Variants in CLRN1 observed in about 807,000 individuals in gnomAD.
CLRN1 encodes clarin-1.
Under a neutral mutation model 18.7 loss-of-function variants are expected in CLRN1, and 15 were observed. That is an observed-to-expected ratio of 0.80 (90% CI 0.54 to 1.23). CLRN1 has a LOEUF of 1.23. Among genes scored for constraint, CLRN1 ranks in the 50% most tolerant of loss-of-function variants. CLRN1 has a pLI of 0.00. For synonymous variants in CLRN1, 104 were observed against 102.9 expected (o/e 1.01, Z -0.07); for missense variants, 311 against 277.5 (o/e 1.12, Z -0.86).
chr3:150,947,580 C>T (rs1488890749), intron 1 of CLRN1, among the ~76,000 whole-genome samples: 1 of 152,142 alleles, frequency 6.6e-6, no homozygotes, highest in Non-Finnish European at 1.5e-5. Flanking sequence ...GAACTCTGTA[C>T]CCAAAACCAA....
At chr3:150,960,616 T>G (rs1714976355) in intron 1 of CLRN1, among the ~76,000 whole-genome samples, 1 of 152,206 alleles carries the variant, frequency 6.6e-6, no homozygotes, top group Non-Finnish European at 1.5e-5. Context: ...GCTCTCATTC[T>G]TACTTCTATT....
At chr3:150,934,621 GCCTACTC>G (rs1713349091) in intron 2 of CLRN1, among the ~76,000 whole-genome samples, 1 of 152,048 alleles carries the variant, frequency 6.6e-6, no homozygotes, top group Non-Finnish European at 1.5e-5. Flanking sequence ...CTGCCAGCTG[GCCTACTC>G]CCTTTTACAT....
chr3:150,933,962 A>G (rs1287905310), intron 2 of CLRN1, among the ~76,000 whole-genome samples: 1 of 152,160 alleles, frequency 6.6e-6, no homozygotes, highest in African/African-American at 2.4e-5. Flanking sequence ...CTAGCAGAAT[A>G]CATTCATTAC....
chr3:150,972,737 G>A (rs771765902), upstream of CLRN1: 12 of 1,614,120 alleles, frequency 7.4e-6, no homozygotes, highest in Admixed American at 1.7e-5. Flanking sequence ...TGAGGGCGAG[G>A]TTCAAAAACA....
intron 1 of CLRN1, among the ~76,000 whole-genome samples, chr3:150,946,502 ATT>A (rs879260829): frequency 6.8e-6 from 1 of 146,624 alleles, no homozygotes; most frequent in Non-Finnish European, 1.5e-5. Flanking sequence ...TTTGTACTAA[ATT>A]TTTTTTTTTT....
chr3:150,926,387 G>A (rs1462005297), downstream of CLRN1: 25 of 268,420 alleles, frequency 9.3e-5, no homozygotes, highest in African/African-American at 1.6e-4. Flanking sequence ...CGCAGGAGAC[G>A]GTCCTTGTCC....
At chr3:150,928,779 C>T (rs1712970832) in intron 2 of CLRN1, among the ~76,000 whole-genome samples, 1 of 152,188 alleles carries the variant, frequency 6.6e-6, no homozygotes, top group South Asian at 2.1e-4. Flanking sequence ...CTCTATTCTC[C>T]TTGTTTGTAA....
chr3:150,943,712 G>A, intron 1 of CLRN1: 3 of 1,578,986 alleles, frequency 1.9e-6, no homozygotes, highest in Non-Finnish European at 2.6e-6. Context: ...CCTACATGAT[G>A]AAGCAAAGGG....
chr3:150,948,430 GC>G (rs1424217166), intron 1 of CLRN1, among the ~76,000 whole-genome samples: 3 of 140,054 alleles, frequency 2.1e-5, no homozygotes, highest in African/African-American at 8.2e-5. Context: ...CTTGCAGTGA[GC>G]CGAGATCGCG....
At chr3:150,958,132 T>C (rs1368606543) in intron 1 of CLRN1, among the ~76,000 whole-genome samples, 1 of 152,204 alleles carries the variant, frequency 6.6e-6, no homozygotes, top group Non-Finnish European at 1.5e-5. Context: ...GTTCCACAAG[T>C]GATCAAATTA....
intron 2 of CLRN1, among the ~76,000 whole-genome samples, chr3:150,931,383 C>G (rs954649711): frequency 6.6e-6 from 1 of 152,176 alleles, no homozygotes; most frequent in South Asian, 2.1e-4. Flanking sequence ...TGCTCTGTCT[C>G]TCTTCTGGAG....
chr3:150,941,418 A>G, intron 2 of CLRN1, 164 bp downstream of exon 2: 1 of 675,726 alleles, frequency 1.5e-6, no homozygotes, highest in Non-Finnish European at 2.6e-6. Context: ...TGAATTCCCT[A>G]CTGTTGAGCA....
chr3:150,936,272 T>C (rs1442413505), intron 2 of CLRN1, among the ~76,000 whole-genome samples: 4 of 152,220 alleles, frequency 2.6e-5, no homozygotes, highest in Non-Finnish European at 5.9e-5. Flanking sequence ...TTTATTGCTT[T>C]ACATAATATC....
chr3:150,937,534 A>G (rs1232473880), intron 2 of CLRN1, among the ~76,000 whole-genome samples: 3 of 152,216 alleles, frequency 2.0e-5, no homozygotes, highest in Admixed American at 6.5e-5. Context: ...AGTTCTTCAG[A>G]TGATTCTAAT....
At chr3:150,957,330 T>C (rs1714793740) in intron 1 of CLRN1, among the ~76,000 whole-genome samples, 1 of 151,996 alleles carries the variant, frequency 6.6e-6, no homozygotes, top group Admixed American at 6.6e-5. Flanking sequence ...TCTCAGTCTT[T>C]CCCTTTTATA....
intron 1 of CLRN1, among the ~76,000 whole-genome samples, chr3:150,946,434 A>G (rs1480172971): frequency 6.6e-6 from 1 of 152,098 alleles, no homozygotes; most frequent in Non-Finnish European, 1.5e-5. Flanking sequence ...CTATTTGTAC[A>G]AAAGTGGTAA....
chr3:150,958,167 T>C (rs1435103805), intron 1 of CLRN1, among the ~76,000 whole-genome samples: 2 of 152,218 alleles, frequency 1.3e-5, no homozygotes, highest in Non-Finnish European at 2.9e-5. Flanking sequence ...TAATTTCATA[T>C]TCCCTCTCAA....
chr3:150,940,864 G>A (rs1235893900), intron 2 of CLRN1, among the ~76,000 whole-genome samples: 1 of 152,022 alleles, frequency 6.6e-6, no homozygotes, highest in Non-Finnish European at 1.5e-5. Context: ...CTAATTTCTG[G>A]CTTTAGAGTT....
intron 1 of CLRN1, among the ~76,000 whole-genome samples, chr3:150,961,178 C>A (rs1393909201): frequency 6.6e-6 from 1 of 152,212 alleles, no homozygotes; most frequent in African/African-American, 2.4e-5. Flanking sequence ...CCTTCCCCCT[C>A]CCCTCCTCCT....
Sources: gnomAD v4.1 joint callset for allele counts (sites outside exome capture counted in the v4.1 genomes callset) on GRCh38, gnomAD v4.1.1 for gene constraint, MANE v1.5 for transcripts, NCBI Gene and HGNC (gene_info 2026-07-23, HGNC 2026-07-21) for gene names.